The following RAB15 variants were observed in gnomAD, a reference collection of about 807,000 sequenced individuals.
RAB15 encodes RAB15, member RAS oncogene family, also known as ras-related protein Rab-15.
RAB15 carries 13 observed loss-of-function variants against 31.8 expected under a neutral mutation model. That is an observed-to-expected ratio of 0.41 (90% CI 0.27 to 0.65). RAB15 has a LOEUF of 0.65. Ranked by LOEUF, RAB15 falls within the 30% of genes least tolerant of loss-of-function variation. The pLI is 0.32. For synonymous variants in RAB15, 100 were observed against 105.6 expected, an observed-to-expected ratio of 0.95 and a Z score of 0.33; for missense variants, 220 against 277.3, an observed-to-expected ratio of 0.79 and a Z score of 1.47.
Position 64,952,402 on chromosome 14 carries a change from G to A in RAB15, c.185+109C>T, listed in dbSNP as rs769373469. On this transcript the variant is annotated intron_variant, in intron 2 of 6. Transcript: ENST00000533601. This position sits in a 1 kb window ranked among gnomAD's most constrained non-coding sequence, Gnocchi z 4.2. ...TTCGCTTCCATCCATCAGAGAGGTG[G>A]CCAGTTATCCCAGGTGAAGCCTAGG... 7.6e-6 allele frequency: 6 copies of A among 785,114 alleles called. No individual in the cohort carries two copies. Among genetic ancestry groups the A allele is most frequent in the Non-Finnish European group, 6.5e-6 (3 of 461,712 alleles). 48.6% of individuals were successfully genotyped at this position (785,114 alleles called of 1,614,324 possible). A position where few individuals can be genotyped will look rare whatever the true frequency, so the allele number is the denominator to read the frequency against.
chr14:64,951,547 A>T lies in RAB15; in HGVS notation c.246+56T>A, dbSNP rs7157667. 100,916 of 1,481,166 alleles carry T rather than the reference A, an allele frequency of 0.068. 3,904 individuals are homozygous for T. The highest frequency in any genetic ancestry group is 0.13 in the South Asian group (11,618 of 88,406). 91.8% of individuals were successfully genotyped at this position (1,481,166 alleles called of 1,614,324 possible). ...TGGCACAGACATCTCAAATACCCAGAGCTGGGAGTGTGGGTGGCAGCTTCC... is the reference window on the plus strand; with the variant it reads ...TGGCACAGACATCTCAAATACCCAGTGCTGGGAGTGTGGGTGGCAGCTTCC... On this transcript the variant is annotated intron_variant, in intron 3 of 6. Coordinates refer to ENST00000533601, the MANE Select transcript of RAB15 (RefSeq NM_001308154.2). This position sits in a 1 kb window ranked among gnomAD's most constrained non-coding sequence, Gnocchi z 7.2.
chr14:64,949,369 T>C (rs1886103758), intron 5 of RAB15, among the ~76,000 whole-genome samples: 1 of 152,176 alleles, frequency 6.6e-6, no homozygotes. Flanking sequence ...CGCTATTGAC[T>C]GAAAAGGGAG....
In RAB15 at chr14:64,965,383, C is replaced by T. The variant is rs140552359; in HGVS notation, c.124+6570G>A. ...CTGAGGCAGAAGAATCGCTTGAACC[C>T]GGGAGACAGAAGTTGCAGTGAGCCG... is the stretch of plus-strand genomic sequence containing the variant. On this transcript the variant is annotated intron_variant, in intron 1 of 6. Coordinates refer to ENST00000533601, the MANE Select transcript of RAB15 (RefSeq NM_001308154.2). 2.0e-3 allele frequency among the ~76,000 whole-genome samples: 303 copies of T among 152,120 alleles called. 3 individuals are homozygous for T. Among genetic ancestry groups the T allele is most frequent in the African/African-American group, 6.8e-3 (283 of 41,492 alleles).
chr14:64,947,838 T>G lies in RAB15; in HGVS notation c.*516A>C, dbSNP rs1468493107. The G allele has an allele frequency of 6.6e-6, 1 of 152,586 alleles. No homozygotes were observed. The highest frequency in any genetic ancestry group is 1.5e-5 in the Non-Finnish European group (1 of 68,418). 9.5% of individuals were successfully genotyped at this position (152,586 alleles called of 1,614,324 possible). On this transcript the variant is annotated 3_prime_UTR_variant, in exon 7 of 7. Transcript: ENST00000533601. This position sits in a 1 kb window ranked among gnomAD's most constrained non-coding sequence, Gnocchi z 5.6. ...CAAGGGTGGAACCTCCCCACGAGCC[T>G]GGGTCCATCCCCTTGGATAGCTTAG... is the stretch of plus-strand genomic sequence containing the variant.
At chr14:64,959,639 G>A (rs1289851932) in intron 1 of RAB15, among the ~76,000 whole-genome samples, 1 of 151,990 alleles carries the variant, frequency 6.6e-6, no homozygotes, top group Non-Finnish European at 1.5e-5. Flanking sequence ...CGAGGTGGGA[G>A]GACTGCTTGC....
chr14:64,967,096 G>T (rs1396901827), intron 1 of RAB15, among the ~76,000 whole-genome samples: 4 of 149,346 alleles, frequency 2.7e-5, no homozygotes, highest in African/African-American at 9.9e-5. Context: ...AGTCCCAGCA[G>T]AACTCCTTGA....
Position 64,948,271 on chromosome 14 carries a change from G to A in RAB15, c.*83C>T, listed in dbSNP as rs1171291019. 1 of 1,373,672 alleles carries A rather than the reference G, an allele frequency of 7.3e-7. No homozygotes were observed. Among genetic ancestry groups the A allele is most frequent in the Non-Finnish European group, 9.6e-7 (1 of 1,043,334 alleles). 85.1% of individuals were successfully genotyped at this position (1,373,672 alleles called of 1,614,324 possible). ...AGGGTCATCACACGAGAGGACAGCA[G>A]CAGGGCAAAGCCCCGGCTCCCCTGT... is the stretch of plus-strand genomic sequence containing the variant. On this transcript the variant is annotated 3_prime_UTR_variant, in exon 7 of 7. Transcript: ENST00000533601. This position sits in a 1 kb window ranked among gnomAD's most constrained non-coding sequence, Gnocchi z 7.0.
At chr14:64,965,098 A>AC (rs1887061535) in intron 1 of RAB15, among the ~76,000 whole-genome samples, 1 of 152,198 alleles carries the variant, frequency 6.6e-6, no homozygotes, top group South Asian at 2.1e-4. Flanking sequence ...GGCACATGCC[A>AC]CCATAATCAG....
intron 1 of RAB15, among the ~76,000 whole-genome samples, chr14:64,964,866 C>T (rs956583333): frequency 2.6e-5 from 4 of 152,220 alleles, no homozygotes; most frequent in Admixed American, 2.0e-4. Context: ...TGAGCCACCG[C>T]ACCCAGCCAT....
rs745670853 is a variant in RAB15 at position 64,950,366 on chromosome 14, C to T, written c.373G>A (p.Glu125Lys). 6.2e-7 allele frequency: 1 copy of T among 1,614,198 alleles called. No homozygotes were observed. The highest frequency in any genetic ancestry group is 8.5e-7 in the Non-Finnish European group (1 of 1,180,016). ...QKILIGNKAD[E>K]EQKRQVGREQ... ...CTTCCCACCTGCCGTTTCTGCTCCT[C>T]ATCAGCCTTATTCCCAATAAGGATC... The change falls in exon 5 of 7, where the codon GAG becomes AAG. Residue 125 changes from glutamate (E) to lysine (K), a missense_variant. Coordinates refer to ENST00000533601, the MANE Select transcript of RAB15 (RefSeq NM_001308154.2). This position sits in a 1 kb window ranked among gnomAD's most constrained non-coding sequence, Gnocchi z 5.6.
Position 64,950,973 on chromosome 14 carries a change from C to A in RAB15, c.324+101G>T. The A allele has an allele frequency of 6.2e-7, 1 of 1,613,810 alleles. No individual in the cohort carries two copies. Among genetic ancestry groups the A allele is most frequent in the Non-Finnish European group, 8.5e-7 (1 of 1,179,854 alleles). On this transcript the variant is annotated intron_variant, in intron 4 of 6. Transcript: ENST00000533601. The surrounding 1 kb of genome is among the most constrained non-coding windows in gnomAD (Gnocchi z 5.6). ...GGTCTTCATCCAGGGCTGTGGAAGG[C>A]AAAGCTTCCTGGAAGCATTTGCCTT...
chr14:64,946,248 C>T lies in RAB15; in HGVS notation c.*2106G>A, dbSNP rs547944766. Reference sequence around the variant, plus strand: ...ATATAGTCCTTCTTTCCTGAGGGGGCTAGGAGAGAAAGACAATGAATGGCA... The same window carrying T: ...ATATAGTCCTTCTTTCCTGAGGGGGTTAGGAGAGAAAGACAATGAATGGCA... On this transcript the variant is annotated 3_prime_UTR_variant, in exon 7 of 7. Coordinates refer to ENST00000533601, the MANE Select transcript of RAB15 (RefSeq NM_001308154.2). 1 of 152,246 alleles carries T rather than the reference C, an allele frequency of 6.6e-6. No homozygotes were observed. Among genetic ancestry groups the T allele is most frequent in the African/African-American group, 2.4e-5 (1 of 41,518 alleles). 9.4% of individuals were successfully genotyped at this position (152,246 alleles called of 1,614,324 possible).
Position 64,971,891 on chromosome 14 carries a change from G to A in RAB15, c.124+62C>T. On this transcript the variant is annotated intron_variant, in intron 1 of 6. Transcript: ENST00000533601. The surrounding 1 kb of genome is among the most constrained non-coding windows in gnomAD (Gnocchi z 4.1). ...GCAATTCCTCCCCAGCTGGGGACGG[G>A]GGCGGCGGGGAAAGGGGCCGCGGGC... is the stretch of plus-strand genomic sequence containing the variant. The A allele has an allele frequency of 6.8e-7, 1 of 1,481,206 alleles. No homozygotes were observed. Among genetic ancestry groups the A allele is most frequent in the Non-Finnish European group, 9.1e-7 (1 of 1,097,368 alleles). 91.8% of individuals were successfully genotyped at this position (1,481,206 alleles called of 1,614,324 possible).
rs1886814482 is a variant in RAB15 at position 64,960,814 on chromosome 14, A to C, written c.125-8243T>G. On this transcript the variant is annotated intron_variant, in intron 1 of 6. Transcript: ENST00000533601. ...GAAGGAGAGTGGGACAGAGAGATGA[A>C]GCCCAAGCCAGCACTTGGCTGGAAT... Among the ~76,000 whole-genome samples, 3 of 152,266 alleles carry C rather than the reference A, an allele frequency of 2.0e-5. No homozygotes were observed. The South Asian group carries it at 6.2e-4, about 32-fold the overall frequency.
intron 1 of RAB15, among the ~76,000 whole-genome samples, chr14:64,957,322 C>T (rs930841185): frequency 1.3e-5 from 2 of 152,130 alleles, no homozygotes; most frequent in African/African-American, 4.8e-5. Flanking sequence ...GAAGCACTGA[C>T]AGCGTAGTCC....
At chr14:64,964,940 T>C (rs2139998025) in intron 1 of RAB15, among the ~76,000 whole-genome samples, 1 of 151,240 alleles carries the variant, frequency 6.6e-6, no homozygotes, top group South Asian at 2.1e-4. Flanking sequence ...GTCACAGAGT[T>C]CTCAGTAATT....
At position 64,951,258 on chromosome 14, in the gene RAB15, C is replaced by G; in HGVS notation, c.247-107G>C. 1.1e-6 allele frequency: 1 copy of G among 875,826 alleles called. No individual in the cohort carries two copies. Among genetic ancestry groups the G allele is most frequent in the African/African-American group, 1.6e-5 (1 of 60,648 alleles). 54.3% of individuals were successfully genotyped at this position (875,826 alleles called of 1,614,324 possible). A position where few individuals can be genotyped will look rare whatever the true frequency, so the allele number is the denominator to read the frequency against. On this transcript the variant is annotated intron_variant, in intron 3 of 6. Coordinates refer to ENST00000533601, the MANE Select transcript of RAB15 (RefSeq NM_001308154.2). The surrounding 1 kb of genome is among the most constrained non-coding windows in gnomAD (Gnocchi z 7.2). The stretch of plus-strand genomic sequence containing the variant: ...AGGTTGGGTCCCACTCTCCCATTCT[C>G]CCTGCTCAGCATCCAGAAATATCTC...
chr14:64,972,311 G>C lies in RAB15; in HGVS notation c.-235C>G, dbSNP rs1271509153. On this transcript the variant is annotated 5_prime_UTR_variant, in exon 1 of 7. Coordinates refer to ENST00000533601, the MANE Select transcript of RAB15 (RefSeq NM_001308154.2). This position sits in a 1 kb window ranked among gnomAD's most constrained non-coding sequence, Gnocchi z 6.3. ...CCGCTCGGCTCGGCTCGGCTCGGCTGGGCTGGCGCGAGGCGGTGGGAGGAG... is the reference window on the plus strand; with the variant it reads ...CCGCTCGGCTCGGCTCGGCTCGGCTCGGCTGGCGCGAGGCGGTGGGAGGAG... 7 of 144,818 alleles carry C rather than the reference G, an allele frequency of 4.8e-5. No individual in the cohort carries two copies. The highest frequency in any genetic ancestry group is 9.1e-5 in the Non-Finnish European group (6 of 66,118). 9.0% of individuals were successfully genotyped at this position (144,818 alleles called of 1,614,324 possible). A position where few individuals can be genotyped will look rare whatever the true frequency, so the allele number is the denominator to read the frequency against.
rs1217309354 is a variant in RAB15 at position 64,955,724 on chromosome 14, C to G, written c.125-3153G>C. The stretch of plus-strand genomic sequence containing the variant: ...ATTTTCCTAAGTTCTCTCTGCCTTC[C>G]CTCAGGGAAGAGTCCTCTGTCCACA... On this transcript the variant is annotated intron_variant, in intron 1 of 6. Transcript: ENST00000533601. This position sits in a 1 kb window ranked among gnomAD's most constrained non-coding sequence, Gnocchi z 4.4. 6.6e-6 allele frequency among the ~76,000 whole-genome samples: 1 copy of G among 152,246 alleles called. No individual in the cohort carries two copies. The highest frequency in any genetic ancestry group is 1.9e-4 in the East Asian group (1 of 5,202).
Sources: allele counts gnomAD v4.1 joint callset (sites outside exome capture counted in the v4.1 genomes callset), GRCh38; gene constraint gnomAD v4.1.1; non-coding constraint Gnocchi (gnomAD v3.1); transcripts MANE v1.5; gene names NCBI Gene and HGNC (gene_info 2026-07-23, HGNC 2026-07-21).